The following TRIP11 variants were observed in gnomAD, a reference collection of about 807,000 sequenced individuals.
The protein encoded by TRIP11 is thyroid receptor-interacting protein 11.
TRIP11 carries 148 observed loss-of-function variants against 223.1 expected under a neutral mutation model. The ratio of observed to expected loss-of-function variants is 0.66; its 90% CI spans 0.58 to 0.76. The LOEUF is 0.76. TRIP11 is among the 30% of genes least tolerant of loss of function. TRIP11 has a pLI of 0.00. For missense variants in TRIP11, 2,043 were observed against 2,222.0 expected, an observed-to-expected ratio of 0.92 and a Z score of 1.62; for synonymous variants, 762 against 772.6, an observed-to-expected ratio of 0.99 and a Z score of 0.23.
intron 2 of TRIP11, among the ~76,000 whole-genome samples, chr14:92,032,866 TG>T (rs1176720921): frequency 5.3e-5 from 8 of 151,854 alleles, no homozygotes; most frequent in Non-Finnish European, 1.5e-5. Flanking sequence ...CTTAAATAAA[TG>T]TGCCACTGCA....
At chr14:91,971,838 T>C (rs1482118893) in intron 20 of TRIP11, among the ~76,000 whole-genome samples, 1 of 152,148 alleles carries the variant, frequency 6.6e-6, no homozygotes, top group Non-Finnish European at 1.5e-5. Flanking sequence ...TTCAGAAAAA[T>C]AGAAATATTT....
At chr14:91,987,853 C>T (rs2140096925) in intron 16 of TRIP11, among the ~76,000 whole-genome samples, 1 of 152,332 alleles carries the variant, frequency 6.6e-6, no homozygotes, top group African/African-American at 2.4e-5. Flanking sequence ...ACACCATCTA[C>T]AATCATAAAA....
chr14:92,006,234 A>C lies in TRIP11; in HGVS notation c.1742T>G (p.Leu581Arg). The C allele has an allele frequency of 6.2e-7, 1 of 1,612,940 alleles. No individual in the cohort carries two copies. Among genetic ancestry groups the C allele is most frequent in the Non-Finnish European group, 8.5e-7 (1 of 1,179,672 alleles). Residue 581 changes from leucine to arginine, a missense_variant, in exon 11 of 21, where the codon CTT (leucine) becomes CGT (arginine). Coordinates refer to ENST00000267622, the MANE Select transcript of TRIP11 (RefSeq NM_004239.4). ...TACTAAATTTTCTACTTTGTCCTCA[A>C]GTTTCTGCTTGGTTAAATGTAAATC... ...LNDLHLTKQK[L>R]EDKVENLVDQ...
At chr14:92,006,540 A>G in intron 10 of TRIP11, 92 bp from the exon 11 acceptor site, 3 of 1,300,862 alleles carry the variant, frequency 2.3e-6, no homozygotes, top group Non-Finnish European at 3.2e-6. Flanking sequence ...AATAGAAAAT[A>G]ATCCTCAAAT....
In TRIP11 at chr14:92,004,016, T is replaced by C. The variant is rs769292644; in HGVS notation, c.3960A>G (p.Ser1320=). ...DIISPQLSSA[S]LLTPQSAECL... The stretch of plus-strand genomic sequence containing the variant: ...ACTCTGCAGACTGGGGAGTAAGCAA[T>C]GATGCAGAAGACAGCTGGGGTGAAA... Residue 1320 remains serine (S), a synonymous_variant, in exon 11 of 21, where the codon TCA becomes TCG. Coordinates refer to ENST00000267622, the MANE Select transcript of TRIP11 (RefSeq NM_004239.4). The C allele has an allele frequency of 5.0e-6, 8 of 1,614,170 alleles. No homozygotes were observed. The highest frequency in any genetic ancestry group is 6.8e-6 in the Non-Finnish European group (8 of 1,180,026).
intron 4 of TRIP11, among the ~76,000 whole-genome samples, chr14:92,020,677 G>A (rs2057100459): frequency 6.6e-6 from 1 of 150,528 alleles, no homozygotes. Flanking sequence ...AAAAAAAAAA[G>A]GATCTGTTGC....
rs2056870028 is a variant in TRIP11 at position 92,004,394 on chromosome 14, A to C, written c.3582T>G (p.Asn1194Lys). The change falls in exon 11 of 21, where the codon AAT (asparagine) becomes AAG (lysine). Residue 1194 changes from asparagine to lysine, a missense_variant. Coordinates refer to ENST00000267622, the MANE Select transcript of TRIP11 (RefSeq NM_004239.4). ...GATTACTATTAACACCTCCAGCCTC[A>C]TTACCAGTGCTGGATGTTTGTAAAA... ...LAVLQTSSTG[N>K]EAGGVNSNQF... 3 of 1,614,052 alleles carry C rather than the reference A, an allele frequency of 1.9e-6. No homozygotes were observed. Among genetic ancestry groups the C allele is most frequent in the Non-Finnish European group, 1.7e-6 (2 of 1,180,020 alleles).
intron 2 of TRIP11, among the ~76,000 whole-genome samples, chr14:92,026,148 G>A (rs1164188219): frequency 2.0e-5 from 3 of 152,146 alleles, no homozygotes; most frequent in African/African-American, 7.2e-5. Flanking sequence ...GAAGTACAGG[G>A]AGGAGGCTAA....
rs142112712 is a variant in TRIP11 at position 92,003,665 on chromosome 14, G to A, written c.4311C>T (p.Asn1437=). ...NENFTNKVNE[N]ELLRQAVTNL... ...TTGTTACTGCCTGCCTCAAAAGTTC[G>A]TTTTCATTTACTTTGTTAGTGAAAT... The change falls in exon 11 of 21, where the codon AAC becomes AAT. Residue 1437 remains asparagine, a synonymous_variant. Coordinates refer to ENST00000267622, the MANE Select transcript of TRIP11 (RefSeq NM_004239.4). 2.3e-5 allele frequency: 37 copies of A among 1,613,900 alleles called. No individual in the cohort carries two copies. The highest frequency in any genetic ancestry group is 2.1e-4 in the African/African-American group (16 of 74,844).
chr14:92,007,692 G>C lies in TRIP11; in HGVS notation c.1475C>G (p.Thr492Arg), dbSNP rs901540611. Residue 492 changes from threonine (T) to arginine (R), a missense_variant, in exon 10 of 21, where the codon ACA (threonine) becomes AGA (arginine). Physicochemically the swap from Thr to Arg is moderately conservative, Grantham distance 71 (BLOSUM62 -1). Coordinates refer to ENST00000267622, the MANE Select transcript of TRIP11 (RefSeq NM_004239.4). ...CAATTCTTCTATCTCAGCTATCAGT[G>C]TTTCCTTTTCACTAATACTCTGATT... ...ELNQSISEKE[T>R]LIAEIEELDR... 5.0e-6 allele frequency: 8 copies of C among 1,613,612 alleles called. No individual in the cohort carries two copies. The highest frequency in any genetic ancestry group is 1.1e-5 in the South Asian group (1 of 91,074).
At chr14:92,029,654 C>T (rs1239662301) in intron 2 of TRIP11, among the ~76,000 whole-genome samples, 1 of 152,072 alleles carries the variant, frequency 6.6e-6, no homozygotes, top group Non-Finnish European at 1.5e-5. Context: ...CTACAGACAC[C>T]ACTTTTTGTA....
intron 9 of TRIP11, 135 bp from the exon 10 acceptor site, chr14:92,007,987 A>G (rs1349611218): frequency 5.9e-6 from 4 of 681,694 alleles, no homozygotes; most frequent in African/African-American, 1.8e-5. Flanking sequence ...CAATACCTCA[A>G]TAATTGTATG....
chr14:92,020,203 G>A (rs2057092957), intron 4 of TRIP11, among the ~76,000 whole-genome samples: 1 of 151,814 alleles, frequency 6.6e-6, no homozygotes, highest in Non-Finnish European at 1.5e-5. Flanking sequence ...AGTGAGCTGA[G>A]ATGGTGCCAC....
In TRIP11 at chr14:91,992,777, C is replaced by T. The variant is rs1005044150; in HGVS notation, c.5160+1032G>A. Among the ~76,000 whole-genome samples the T allele has an allele frequency of 4.6e-5, 7 of 151,504 alleles. No homozygotes were observed. The South Asian group carries it at 6.2e-4, about 14-fold the overall frequency. On this transcript the variant is annotated intron_variant, in intron 15 of 20. Coordinates refer to ENST00000267622, the MANE Select transcript of TRIP11 (RefSeq NM_004239.4). ...ACAAAAAATTAGCCGGGTGTGGTGGCGGGCACCTGTAGTCCCAGCTACTTG... is the reference window on the plus strand; with the variant it reads ...ACAAAAAATTAGCCGGGTGTGGTGGTGGGCACCTGTAGTCCCAGCTACTTG...
rs778482179 is a variant in TRIP11, at chr14:91,999,445, A to G, written c.4699-12T>C. 2 of 1,613,224 alleles carry G rather than the reference A, an allele frequency of 1.2e-6. No homozygotes were observed. The highest frequency in any genetic ancestry group is 1.7e-6 in the Non-Finnish European group (2 of 1,179,680). ...CGTAAACGTTGAACCTAGGTAGAGG[A>G]CATTATTTTTCTTTTACAAAATGCT... is the stretch of plus-strand genomic sequence containing the variant. On this transcript the variant is annotated splice_polypyrimidine_tract_variant and intron_variant, in intron 12 of 20. Transcript: ENST00000267622.
chr14:92,024,134 T>C (rs1273195381), intron 3 of TRIP11, among the ~76,000 whole-genome samples: 1 of 152,080 alleles, frequency 6.6e-6, no homozygotes, highest in East Asian at 1.9e-4. Flanking sequence ...TCCCAACACT[T>C]TGGGAGGCCA....
chr14:92,018,960 C>CAAAAAAAAAAAA (rs567152333), intron 4 of TRIP11, among the ~76,000 whole-genome samples: 5 of 70,892 alleles, frequency 7.1e-5, no homozygotes, highest in Non-Finnish European at 1.1e-4. Context: ...GACTCCATCT[C>CAAAAAAAAAAAA]AAAAAAAAAA....
chr14:91,992,094 A>T (rs1171357891), intron 15 of TRIP11, among the ~76,000 whole-genome samples: 1 of 150,996 alleles, frequency 6.6e-6, no homozygotes, highest in African/African-American at 2.4e-5. Flanking sequence ...AAAAAAAAAA[A>T]AAAAAAAAAG....
At position 92,039,821 on chromosome 14, in the gene TRIP11, G is replaced by C; in HGVS notation, c.-136C>G. On this transcript the variant is annotated 5_prime_UTR_variant, in exon 1 of 21. Coordinates refer to ENST00000267622, the MANE Select transcript of TRIP11 (RefSeq NM_004239.4). ...CGATAACACAAAGCTGGGTTCTCAG[G>C]CAAGGCCGACTCCAGGTTCTGCCTA... The C allele has an allele frequency of 1.3e-6, 2 of 1,534,668 alleles. No individual in the cohort carries two copies. The highest frequency in any genetic ancestry group is 4.0e-5 in the Admixed American group (2 of 50,326).
Sources: allele counts gnomAD v4.1 joint callset (sites outside exome capture counted in the v4.1 genomes callset), GRCh38; gene constraint gnomAD v4.1.1; transcripts MANE v1.5; gene names NCBI Gene and HGNC (gene_info 2026-07-23, HGNC 2026-07-21).